Variants in TRHDE observed in about 807,000 individuals in gnomAD.
TRHDE encodes thyrotropin releasing hormone degrading enzyme.
TRHDE carries 72 observed loss-of-function variants against 125.7 expected under a neutral mutation model. The ratio of observed to expected loss-of-function variants is 0.57; its 90% CI spans 0.47 to 0.70. The LOEUF (loss-of-function observed/expected upper bound fraction) is 0.70, where lower values mean the gene tolerates loss of function less well. TRHDE is among the 30% of genes least tolerant of loss of function. TRHDE has a pLI of 0.00. For synonymous variants in TRHDE, 509 were observed against 509.1 expected (o/e 1.00, Z 0.00); for missense variants, 1,110 against 1,327.1 (o/e 0.84, Z 2.54).
intron 15 of TRHDE, among the ~76,000 whole-genome samples, chr12:72,633,564 A>G (rs1873586932): frequency 6.6e-6 from 1 of 152,070 alleles, no homozygotes. Flanking sequence ...CTAGAAACAG[A>G]ACCACCCTAG....
intron 3 of TRHDE, among the ~76,000 whole-genome samples, chr12:72,457,232 G>T (rs892341902): frequency 3.9e-5 from 6 of 152,048 alleles, no homozygotes; most frequent in Non-Finnish European, 8.8e-5. Context: ...AATTGATAAG[G>T]TTCTATTTTT....
chr12:72,300,526 TG>T (rs1271280507), intron 2 of TRHDE, among the ~76,000 whole-genome samples: 2 of 151,744 alleles, frequency 1.3e-5, no homozygotes, highest in Non-Finnish European at 2.9e-5. Flanking sequence ...TTTAGCATCT[TG>T]GGAGGCTTAT....
chr12:72,280,762 A>G (rs1459776650), intron 1 of TRHDE, among the ~76,000 whole-genome samples: 2 of 152,186 alleles, frequency 1.3e-5, no homozygotes, highest in African/African-American at 4.8e-5. Context: ...CTGAAGAGTC[A>G]GAAGGGTACC....
At chr12:72,617,025 A>G (rs750892919) in intron 12 of TRHDE, among the ~76,000 whole-genome samples, 2 of 152,122 alleles carry the variant, frequency 1.3e-5, no homozygotes, top group African/African-American at 2.4e-5. Context: ...TGAAATCAAA[A>G]TTTCACTTAT....
At chr12:72,187,031 A>G (rs140178613) in intron 2 of TRHDE, among the ~76,000 whole-genome samples, 37 of 152,274 alleles carry the variant, frequency 2.4e-4, no homozygotes, top group African/African-American at 8.7e-4. Context: ...CTGTACTCTT[A>G]CCAATATTTA....
intron 4 of TRHDE, among the ~76,000 whole-genome samples, chr12:72,472,266 A>G (rs1876685092): frequency 6.6e-6 from 1 of 152,108 alleles, no homozygotes; most frequent in African/African-American, 2.4e-5. Flanking sequence ...TCTTCACTGA[A>G]TCTCGTCTTT....
At chr12:72,535,467 C>T (rs889046148) in intron 6 of TRHDE, among the ~76,000 whole-genome samples, 3 of 152,014 alleles carry the variant, frequency 2.0e-5, no homozygotes, top group African/African-American at 4.8e-5. Flanking sequence ...TCATAGAGGA[C>T]TCCAAGGCTC....
intron 2 of TRHDE, among the ~76,000 whole-genome samples, chr12:72,190,635 A>C (rs1877319274): frequency 6.6e-6 from 1 of 152,236 alleles, no homozygotes; most frequent in Non-Finnish European, 1.5e-5. Context: ...GTTTGTATCC[A>C]TGTGAATATT....
intron 6 of TRHDE, among the ~76,000 whole-genome samples, chr12:72,541,856 G>C (rs1235867752): frequency 6.6e-6 from 1 of 151,180 alleles, no homozygotes; most frequent in Non-Finnish European, 1.5e-5. Context: ...AACTTTTCTT[G>C]GTTAAGGAGT....
At chr12:72,260,333 T>G (rs1035015745) in intron 2 of TRHDE, among the ~76,000 whole-genome samples, 2 of 148,556 alleles carry the variant, frequency 1.3e-5, no homozygotes, top group Non-Finnish European at 3.0e-5. Context: ...TAGAACATAT[T>G]ACTTATTCAG....
intron 15 of TRHDE, among the ~76,000 whole-genome samples, chr12:72,649,123 C>G (rs899250420): frequency 5.9e-5 from 9 of 151,932 alleles, no homozygotes; most frequent in African/African-American, 2.2e-4. Flanking sequence ...AGGAATCACA[C>G]TTGCTAATTT....
chr12:72,556,445 A>G (rs927370629), intron 7 of TRHDE, among the ~76,000 whole-genome samples: 2 of 152,214 alleles, frequency 1.3e-5, no homozygotes, highest in Non-Finnish European at 2.9e-5. Context: ...ATGCCACAGG[A>G]GTGAAGGTTT....
At chr12:72,420,580 A>C (rs1389148263) in intron 3 of TRHDE, among the ~76,000 whole-genome samples, 2 of 152,192 alleles carry the variant, frequency 1.3e-5, no homozygotes, top group Non-Finnish European at 2.9e-5. Flanking sequence ...CTAAAAGCAG[A>C]GTTCATTTCT....
At chr12:72,656,496 CAA>C (rs1874714136) in intron 17 of TRHDE, among the ~76,000 whole-genome samples, 1 of 152,066 alleles carries the variant, frequency 6.6e-6, no homozygotes, top group Non-Finnish European at 1.5e-5. Context: ...CTAATCATAT[CAA>C]AGGATCTGAC....
At chr12:72,203,818 T>G (rs939688674) in intron 2 of TRHDE, among the ~76,000 whole-genome samples, 46 of 152,192 alleles carry the variant, frequency 3.0e-4, no homozygotes, top group Non-Finnish European at 1.0e-4. Context: ...ATATCTCGGT[T>G]GCAAGTCTCC....
intron 5 of TRHDE, among the ~76,000 whole-genome samples, chr12:72,474,056 A>G (rs1430808951): frequency 3.3e-5 from 5 of 152,056 alleles, no homozygotes; most frequent in Admixed American, 6.6e-5. Context: ...ATATATATAC[A>G]TACATATATA....
chr12:72,659,710 A>G (rs1565826480), intron 18 of TRHDE, among the ~76,000 whole-genome samples: 1 of 152,322 alleles, frequency 6.6e-6, no homozygotes, highest in South Asian at 2.1e-4. Flanking sequence ...GAAGATAGGG[A>G]GCACAAACAA....
chr12:72,520,555 G>A (rs1236025624), intron 6 of TRHDE, among the ~76,000 whole-genome samples: 1 of 152,172 alleles, frequency 6.6e-6, no homozygotes, highest in Non-Finnish European at 1.5e-5. Context: ...ACTCCCTAGT[G>A]AGATGAACCC....
intron 2 of TRHDE, among the ~76,000 whole-genome samples, chr12:72,261,039 C>G (rs1481081511): frequency 6.6e-6 from 1 of 152,144 alleles, no homozygotes; most frequent in Non-Finnish European, 1.5e-5. Flanking sequence ...ACTTTTAACA[C>G]CCTTTCACAC....
Sources: gnomAD v4.1 joint callset for allele counts (sites outside exome capture counted in the v4.1 genomes callset) on GRCh38, gnomAD v4.1.1 for gene constraint, MANE v1.5 for transcripts, NCBI Gene and HGNC (gene_info 2026-07-23, HGNC 2026-07-21) for gene names.